ZCCHC14: variants seen among roughly 807,000 people sequenced by gnomAD.
ZCCHC14 encodes the protein zinc finger CCHC-type containing 14.
In ZCCHC14, 16 loss-of-function variants were observed where a neutral mutation model predicts 85.0. The observed-to-expected ratio is 0.19, with a 90% CI of 0.13 to 0.29. The LOEUF (loss-of-function observed/expected upper bound fraction) is 0.29, where lower values mean the gene tolerates loss of function less well. ZCCHC14 is among the 10% of genes least tolerant of loss of function. The probability of loss-of-function intolerance (pLI) is 1.00; values close to 1 mark genes in which losing one functional copy is unlikely to be tolerated. For synonymous variants in ZCCHC14, 775 were observed against 630.7 expected, an observed-to-expected ratio of 1.23 and a Z score of -3.43; for missense variants, 1,303 against 1,443.5, an observed-to-expected ratio of 0.90 and a Z score of 1.58.
intron 1 of ZCCHC14, among the ~76,000 whole-genome samples, chr16:87,487,879 G>C (rs1452523212): frequency 6.6e-6 from 1 of 151,766 alleles, no homozygotes; most frequent in Non-Finnish European, 1.5e-5. Context: ...AAGGAAGCCA[G>C]TCACAAAGGG....
In ZCCHC14 at chr16:87,406,279, T is replaced by G. The variant is rs530495518; in HGVS notation, c.*4001A>C. On this transcript the variant is annotated 3_prime_UTR_variant, in exon 13 of 13. Coordinates refer to ENST00000671377, the MANE Select transcript of ZCCHC14 (RefSeq NM_015144.3). ...TTTAAAATTTTTATTTTCAGTACATTAAATTTACTCATAAAAACATTCTAA... is the reference window on the plus strand; with the variant it reads ...TTTAAAATTTTTATTTTCAGTACATGAAATTTACTCATAAAAACATTCTAA... 9 of 152,582 alleles carry G rather than the reference T, an allele frequency of 5.9e-5. No individual in the cohort carries two copies. The highest frequency in any genetic ancestry group is 8.8e-5 in the Non-Finnish European group (6 of 68,034). 9.5% of individuals were successfully genotyped at this position (152,582 alleles called of 1,614,324 possible).
chr16:87,446,167 CA>C (rs567505964), intron 2 of ZCCHC14, among the ~76,000 whole-genome samples: 2,495 of 54,094 alleles, frequency 0.046, 21 homozygotes, highest in Middle Eastern at 0.14. Flanking sequence ...AACTCCGTCT[CA>C]AAAAAAAAAA....
chr16:87,426,924 G>C (rs1311938080), intron 3 of ZCCHC14, among the ~76,000 whole-genome samples: 1 of 152,232 alleles, frequency 6.6e-6, no homozygotes, highest in Non-Finnish European at 1.5e-5. Context: ...ATGAAAACCA[G>C]GCCAGTAGGA....
intron 4 of ZCCHC14, 63 bp downstream of exon 4, chr16:87,423,747 G>T: frequency 1.9e-6 from 3 of 1,569,242 alleles, no homozygotes; most frequent in Non-Finnish European, 2.6e-6. Flanking sequence ...TTACTCCGTG[G>T]TATCATCAGC....
At chr16:87,413,668 G>A (rs1050916996) in intron 10 of ZCCHC14, among the ~76,000 whole-genome samples, 1 of 152,070 alleles carries the variant, frequency 6.6e-6, no homozygotes, top group Non-Finnish European at 1.5e-5. Context: ...CGCGCCAGGT[G>A]TCCCGCCCTT....
chr16:87,464,516 A>C (rs1383629815), intron 1 of ZCCHC14, among the ~76,000 whole-genome samples: 3 of 152,196 alleles, frequency 2.0e-5, no homozygotes, highest in African/African-American at 7.2e-5. Flanking sequence ...AGGAAGAGCT[A>C]AAGGCTGTAG....
At chr16:87,464,781 C>A (rs1306988075) in intron 1 of ZCCHC14, among the ~76,000 whole-genome samples, 1 of 152,192 alleles carries the variant, frequency 6.6e-6, no homozygotes, top group African/African-American at 2.4e-5. Context: ...ACTTGTGTTT[C>A]CCAGAAATGC....
rs760296838 is a variant in ZCCHC14, at chr16:87,411,908, C to A, written c.2813G>T (p.Gly938Val). ...CGCSGSCGSS[G>V]LTVSYANYFQ... ...GTAGTTGGCGTAGCTGACAGTCAGG[C>A]CACTCGAGCCGCAGCTGCCGCTGCA... Residue 938 changes from glycine to valine, a missense_variant, in exon 12 of 13, where the codon GGC becomes GTC. Transcript: ENST00000671377. 6.3e-7 allele frequency: 1 copy of A among 1,591,192 alleles called. No homozygotes were observed. Among genetic ancestry groups the A allele is most frequent in the Non-Finnish European group, 8.5e-7 (1 of 1,170,618 alleles).
At chr16:87,422,666 G>A (rs1018049682) in intron 4 of ZCCHC14, among the ~76,000 whole-genome samples, 1 of 151,972 alleles carries the variant, frequency 6.6e-6, no homozygotes, top group African/African-American at 2.4e-5. Flanking sequence ...AAGCCGGGAG[G>A]TGGAGGTTGC....
chr16:87,410,472 C>A (rs1908380431), intron 12 of ZCCHC14, 137 bp from the exon 13 acceptor site: 1 of 541,256 alleles, frequency 1.8e-6, no homozygotes, highest in Non-Finnish European at 3.3e-6. Flanking sequence ...CTGACCGTTT[C>A]TACTCCCTTC....
At position 87,433,140 on chromosome 16, in the gene ZCCHC14, T is replaced by G; in HGVS notation, c.756A>C (p.Glu252Asp). The G allele has an allele frequency of 3.1e-6, 5 of 1,614,204 alleles. No homozygotes were observed. Among genetic ancestry groups the G allele is most frequent in the Non-Finnish European group, 4.2e-6 (5 of 1,180,032 alleles). The change falls in exon 3 of 13, where the codon GAA (glutamate) becomes GAC (aspartate). Residue 252 changes from glutamate to aspartate, a missense_variant. Physicochemically the swap from Glu to Asp is conservative, Grantham distance 45. Transcript: ENST00000671377. ...LSHTKNDRNV[E>D]CSFEVLWSDS... ...CTTAGCATCTTACCTCAAAGGAACA[T>G]TCAACATTTCTGTCATTTTTTGTGT...
chr16:87,412,253 G>C lies in ZCCHC14; in HGVS notation c.2468C>G (p.Ser823Cys). The change falls in exon 12 of 13, where the codon TCT (serine) becomes TGT (cysteine). Residue 823 changes from serine (S) to cysteine (C), a missense_variant. Ser to Cys is a moderately radical substitution (Grantham distance 112, BLOSUM62 -1). Transcript: ENST00000671377. ...GCCCACTGGCATACTGCTCATTGCA[G>C]AAAAGGCAACTTTGGTGTTGGCTGT... ...LYTANTKVAF[S>C]AMSSMPVGPL... 6.2e-7 allele frequency: 1 copy of C among 1,612,436 alleles called. No homozygotes were observed.
chr16:87,485,895 C>T (rs1337627697), intron 1 of ZCCHC14, among the ~76,000 whole-genome samples: 3 of 152,170 alleles, frequency 2.0e-5, no homozygotes, highest in Admixed American at 6.5e-5. Context: ...GTACGCTTCA[C>T]CTGCAGTGAC....
At position 87,477,120 on chromosome 16, in the gene ZCCHC14, C is replaced by CAAAA. The variant is rs769416913; in HGVS notation, c.570+14545_570+14548dup. On this transcript the variant is annotated intron_variant, in intron 1 of 12. Coordinates refer to ENST00000671377, the MANE Select transcript of ZCCHC14 (RefSeq NM_015144.3). ...AGCCTGACAGAGAGAGACTCAGTCTCAAAAAAAAAAAAAAAAAAAAACAAA... is the reference window on the plus strand; with the variant it reads ...AGCCTGACAGAGAGAGACTCAGTCTCAAAAAAAAAAAAAAAAAAAAAAAAACAAA... Among the ~76,000 whole-genome samples, 281 of 37,588 alleles carry CAAAA rather than the reference C, an allele frequency of 7.5e-3. 8 individuals carry two copies. Among genetic ancestry groups the CAAAA allele is most frequent in the Middle Eastern group, 0.016 (1 of 62 alleles). 24.7% of individuals were successfully genotyped at this position (37,588 alleles called of 152,430 possible). A position where few individuals can be genotyped will look rare whatever the true frequency, so the allele number is the denominator to read the frequency against.
At chr16:87,489,431 G>A (rs1251644071) in intron 1 of ZCCHC14, among the ~76,000 whole-genome samples, 2 of 152,218 alleles carry the variant, frequency 1.3e-5, no homozygotes, top group African/African-American at 4.8e-5. Flanking sequence ...TATAAAACAT[G>A]CCTTGCTTTA....
intron 2 of ZCCHC14, among the ~76,000 whole-genome samples, chr16:87,457,014 A>G (rs552867532): frequency 6.6e-6 from 1 of 152,358 alleles, no homozygotes; most frequent in South Asian, 2.1e-4. Flanking sequence ...TGTACACTAC[A>G]ACAGCTTCCC....
chr16:87,441,035 G>A (rs1168882589), intron 2 of ZCCHC14, among the ~76,000 whole-genome samples: 10 of 144,196 alleles, frequency 6.9e-5, no homozygotes, highest in South Asian at 2.2e-4. Context: ...ATAGAGTTTC[G>A]CTCTGTCACC....
chr16:87,453,722 A>G (rs1404719686), intron 2 of ZCCHC14, among the ~76,000 whole-genome samples: 1 of 152,244 alleles, frequency 6.6e-6, no homozygotes, highest in South Asian at 2.1e-4. Flanking sequence ...AGAACATGAG[A>G]AAAGCTGGAA....
At chr16:87,418,586 G>A (rs938258293) in intron 7 of ZCCHC14, among the ~76,000 whole-genome samples, 6 of 152,170 alleles carry the variant, frequency 3.9e-5, no homozygotes, top group South Asian at 2.1e-4. Flanking sequence ...CCAGATTCTC[G>A]GAAATTCTGA....
Sources: gnomAD v4.1 joint callset for allele counts (sites outside exome capture counted in the v4.1 genomes callset) on GRCh38, gnomAD v4.1.1 for gene constraint, MANE v1.5 for transcripts, NCBI Gene and HGNC (gene_info 2026-07-23, HGNC 2026-07-21) for gene names.